HAPLN1: variants seen among roughly 807,000 people sequenced by gnomAD.
HAPLN1 encodes the protein hyaluronan and proteoglycan link protein 1.
HAPLN1 carries 13 observed loss-of-function variants against 36.5 expected under a neutral mutation model. That is an observed-to-expected ratio of 0.36 (90% CI 0.23 to 0.57). The LOEUF (loss-of-function observed/expected upper bound fraction) is 0.57. Ranked by LOEUF, HAPLN1 falls within the 20% of genes least tolerant of loss-of-function variation. The pLI, the probability that HAPLN1 is intolerant of heterozygous loss-of-function variation, is 0.83. For missense variants in HAPLN1, 407 were observed against 439.7 expected (o/e 0.93, Z 0.66); for synonymous variants, 202 against 169.8 (o/e 1.19, Z -1.48).
chr5:83,671,546 GATTT>G (rs1750723327), intron 2 of HAPLN1, among the ~76,000 whole-genome samples: 1 of 152,158 alleles, frequency 6.6e-6, no homozygotes, highest in Admixed American at 6.5e-5. Context: ...TGTGCTACCT[GATTT>G]ATTTTTGCAT....
intron 2 of HAPLN1, among the ~76,000 whole-genome samples, chr5:83,662,114 G>T (rs996659483): frequency 6.6e-6 from 1 of 151,818 alleles, no homozygotes; most frequent in African/African-American, 2.4e-5. Context: ...TGTTGGCCAG[G>T]CTGGTCTTGT....
intron 2 of HAPLN1, among the ~76,000 whole-genome samples, chr5:83,673,215 T>G (rs1319515357): frequency 1.3e-5 from 2 of 152,210 alleles, no homozygotes; most frequent in Non-Finnish European, 2.9e-5. Context: ...TGGACATTCT[T>G]AAGCTACTCA....
chr5:83,711,708 T>C (rs769225064), intron 1 of HAPLN1, among the ~76,000 whole-genome samples: 22 of 152,220 alleles, frequency 1.4e-4, no homozygotes, highest in Non-Finnish European at 3.1e-4. Context: ...TGTTTATGCC[T>C]TTTTTGTTAT....
intron 1 of HAPLN1, among the ~76,000 whole-genome samples, chr5:83,711,084 C>A (rs1296960919): frequency 6.6e-6 from 1 of 152,118 alleles, no homozygotes; most frequent in Non-Finnish European, 1.5e-5. Context: ...AACATCCACA[C>A]TGGGCTCTTC....
intron 1 of HAPLN1, among the ~76,000 whole-genome samples, chr5:83,698,762 G>A (rs1751446109): frequency 6.6e-6 from 1 of 152,154 alleles, no homozygotes; most frequent in Non-Finnish European, 1.5e-5. Flanking sequence ...TGCACAAGGT[G>A]CAGAACTGAT....
chr5:83,673,395 C>T, intron 2 of HAPLN1, 29 bp downstream of exon 2: 2 of 1,452,596 alleles, frequency 1.4e-6, no homozygotes, highest in Non-Finnish European at 1.9e-6. Flanking sequence ...ATTAATTAGG[C>T]TTTGATAAGA....
rs868664286 is a variant in HAPLN1, at chr5:83,641,330, T to C, written c.*166A>G. On this transcript the variant is annotated 3_prime_UTR_variant, in exon 5 of 5. Coordinates refer to ENST00000274341, the MANE Select transcript of HAPLN1 (RefSeq NM_001884.4). ...TTATAATATATATTGAATGATAGCT[T>C]TACAAAAAACAAATCAATGAATTGA... 6.2e-6 allele frequency: 3 copies of C among 487,310 alleles called. No homozygotes were observed. The highest frequency in any genetic ancestry group is 6.9e-5 in the Admixed American group (2 of 28,932). The allele number at this position is 487,310 out of a possible 1,614,324, so 30.2% of individuals were successfully genotyped here.
Position 83,641,625 on chromosome 5 carries a change from G to A in HAPLN1, c.936C>T (p.Gly312=). 6.2e-7 allele frequency: 1 copy of A among 1,614,178 alleles called. No individual in the cohort carries two copies. The highest frequency in any genetic ancestry group is 8.5e-7 in the Non-Finnish European group (1 of 1,180,018). The change falls in exon 5 of 5, where the codon GGC becomes GGT. Residue 312 remains glycine (G), a synonymous_variant. Coordinates refer to ENST00000274341, the MANE Select transcript of HAPLN1 (RefSeq NM_001884.4). ...DRCDAGWLAD[G]SVRYPISRPR... ...GCCTAGAGATGGGGTAGCGGACGCT[G>A]CCATCCGCCAACCAGCCCGCATCAC...
intron 1 of HAPLN1, among the ~76,000 whole-genome samples, chr5:83,711,170 A>G (rs1376830638): frequency 2.6e-5 from 4 of 152,280 alleles, no homozygotes; most frequent in Middle Eastern, 3.4e-3. Context: ...TACAGACCAG[A>G]GGCTAGTTTT....
intron 2 of HAPLN1, among the ~76,000 whole-genome samples, chr5:83,667,973 C>T (rs916987979): frequency 1.1e-4 from 16 of 152,204 alleles, no homozygotes; most frequent in African/African-American, 2.9e-4. Flanking sequence ...TCATAATTCT[C>T]TTGTTCATCT....
rs560046458 is a variant in HAPLN1, at chr5:83,690,399, G to A, written c.-26-16850C>T. Among the ~76,000 whole-genome samples, 3 of 152,186 alleles carry A rather than the reference G, an allele frequency of 2.0e-5. No individual in the cohort carries two copies. In the South Asian group the frequency reaches 6.2e-4, roughly 31 times the overall value. ...TGATGTATTTCTGAGATTGTTGAAA[G>A]TGTAAGATGTTATTTGAAGTGGCAC... is the stretch of plus-strand genomic sequence containing the variant. On this transcript the variant is annotated intron_variant, in intron 1 of 4. Transcript: ENST00000274341.
chr5:83,640,063 C>T lies in HAPLN1; in HGVS notation c.*1433G>A, dbSNP rs756702657. 3 of 152,064 alleles carry T rather than the reference C, an allele frequency of 2.0e-5. No homozygotes were observed. The allele number at this position is 152,064 out of a possible 1,614,324, so 9.4% of individuals were successfully genotyped here. A position where few individuals can be genotyped will look rare whatever the true frequency, so the allele number is the denominator to read the frequency against. ...AAAAACATTCATGAAAGCATACCGG[C>T]TATGTCATACTTGGATTATTATAGT... is the stretch of plus-strand genomic sequence containing the variant. On this transcript the variant is annotated 3_prime_UTR_variant, in exon 5 of 5. Transcript: ENST00000274341.
intron 1 of HAPLN1, among the ~76,000 whole-genome samples, chr5:83,676,345 T>C (rs1414745931): frequency 1.3e-5 from 2 of 152,210 alleles, no homozygotes; most frequent in South Asian, 2.1e-4. Context: ...GTGAATACTT[T>C]AGAGTACCCT....
At chr5:83,645,475 C>CTTTGTTTTTTTT (rs1428903218) in intron 3 of HAPLN1, among the ~76,000 whole-genome samples, 4 of 74,334 alleles carry the variant, frequency 5.4e-5, no homozygotes, top group African/African-American at 1.2e-4. Flanking sequence ...CTTTTTCTTT[C>CTTTGTTTTTTTT]TTTTTTTTTT....
At chr5:83,700,467 G>C (rs958249971) in intron 1 of HAPLN1, among the ~76,000 whole-genome samples, 1 of 151,938 alleles carries the variant, frequency 6.6e-6, no homozygotes, top group African/African-American at 2.4e-5. Flanking sequence ...TCCTCACCAT[G>C]GACACTGTCA....
intron 1 of HAPLN1, 93 bp from the exon 2 acceptor site, chr5:83,673,642 A>G: frequency 1.4e-6 from 1 of 718,162 alleles, no homozygotes; most frequent in Admixed American, 2.7e-5. Context: ...TCATCATAGA[A>G]TGGGTCTGTA....
chr5:83,697,570 A>G (rs1196034771), intron 1 of HAPLN1, among the ~76,000 whole-genome samples: 2 of 152,146 alleles, frequency 1.3e-5, no homozygotes, highest in Non-Finnish European at 2.9e-5. Context: ...GCGATGGAAT[A>G]TGGTAACTAT....
intron 3 of HAPLN1, among the ~76,000 whole-genome samples, chr5:83,649,361 T>C (rs1256795905): frequency 1.3e-5 from 2 of 152,198 alleles, no homozygotes; most frequent in Admixed American, 6.5e-5. Context: ...CTCTTATCTA[T>C]GATGCCCTCT....
At chr5:83,665,561 T>A (rs1227916831) in intron 2 of HAPLN1, among the ~76,000 whole-genome samples, 1 of 152,188 alleles carries the variant, frequency 6.6e-6, no homozygotes. Flanking sequence ...AATCCCTCTT[T>A]AGAAATAAGA....
Sources: gnomAD v4.1 joint callset for allele counts (sites outside exome capture counted in the v4.1 genomes callset) on GRCh38, gnomAD v4.1.1 for gene constraint, MANE v1.5 for transcripts, NCBI Gene and HGNC (gene_info 2026-07-23, HGNC 2026-07-21) for gene names.